RAB22A: variants seen among roughly 807,000 people sequenced by gnomAD.
RAB22A encodes ras-related protein Rab-22A.
Under a neutral mutation model 30.2 loss-of-function variants are expected in RAB22A, and 13 were observed. The ratio of observed to expected loss-of-function variants is 0.43; its 90% confidence interval spans 0.28 to 0.68. The LOEUF (loss-of-function observed/expected upper bound fraction) is 0.68. Ranked by LOEUF, RAB22A falls within the 30% of genes least tolerant of loss-of-function variation. The pLI is 0.18. For synonymous variants in RAB22A, 89 were observed against 87.2 expected (o/e 1.02, Z -0.11); for missense variants, 177 against 246.8 (o/e 0.72, Z 1.89).
intron 2 of RAB22A, among the ~76,000 whole-genome samples, chr20:58,331,471 A>T (rs1986659312): frequency 6.6e-6 from 1 of 152,190 alleles, no homozygotes; most frequent in Non-Finnish European, 1.5e-5. Context: ...ATTATTATTG[A>T]AGATTTTCAT....
At position 58,325,168 on chromosome 20, in the gene RAB22A, T is replaced by TC. The variant is rs1306152971; in HGVS notation, c.116+14048dup. On this transcript the variant is annotated intron_variant, in intron 2 of 6. Transcript: ENST00000244040. ...CTCCAGCCTGGTGACAGAGCGAGAC[T>TC]CCATCTCAAAAAAAAAAAAAAAACT... Among the ~76,000 whole-genome samples, 4 of 123,326 alleles carry TC rather than the reference T, an allele frequency of 3.2e-5. No individual in the cohort carries two copies. The South Asian group carries it at 7.5e-4, about 23-fold the overall frequency. 80.9% of individuals were successfully genotyped at this position (123,326 alleles called of 152,430 possible).
intron 2 of RAB22A, among the ~76,000 whole-genome samples, chr20:58,323,862 C>A (rs1294790248): frequency 6.6e-6 from 1 of 151,618 alleles, no homozygotes; most frequent in Non-Finnish European, 1.5e-5. Context: ...ATGTATTTGG[C>A]TAATCACATA....
chr20:58,353,497 A>C lies in RAB22A; in HGVS notation c.336A>C (p.Val112=). Residue 112 remains valine (V), a synonymous_variant, in exon 5 of 7, where the codon GTA becomes GTC. Transcript: ENST00000244040. ...ELRQHGPPNI[V]VAIAGNKCDL... The stretch of plus-strand genomic sequence containing the variant: ...GACAGCATGGCCCACCTAATATTGT[A>C]GTTGCCATTGCAGGAAATAAATGTG... 1.2e-6 allele frequency: 2 copies of C among 1,612,450 alleles called. No homozygotes were observed. The highest frequency in any genetic ancestry group is 1.7e-6 in the Non-Finnish European group (2 of 1,178,476).
intron 6 of RAB22A, among the ~76,000 whole-genome samples, chr20:58,355,258 A>T (rs1328627650): frequency 6.6e-6 from 1 of 152,214 alleles, no homozygotes; most frequent in Non-Finnish European, 1.5e-5. Flanking sequence ...AGGTTGACCC[A>T]TGAGCAGAGC....
At chr20:58,342,811 G>A (rs1007080424) in intron 2 of RAB22A, among the ~76,000 whole-genome samples, 78 of 152,222 alleles carry the variant, frequency 5.1e-4, no homozygotes, top group African/African-American at 1.8e-3. Context: ...CTGGGTGAGG[G>A]GGGAATGGAA....
At chr20:58,340,387 C>T (rs997722410) in intron 2 of RAB22A, among the ~76,000 whole-genome samples, 1 of 152,076 alleles carries the variant, frequency 6.6e-6, no homozygotes, top group Non-Finnish European at 1.5e-5. Context: ...TCCCACATAC[C>T]CTAAAGGCCA....
chr20:58,353,558 G>A lies in RAB22A; in HGVS notation c.377+20G>A, dbSNP rs1165500720. 1.3e-6 allele frequency: 2 copies of A among 1,510,364 alleles called. No homozygotes were observed. The highest frequency in any genetic ancestry group is 2.3e-5 in the East Asian group (1 of 44,310). The allele number at this position is 1,510,364 out of a possible 1,614,324, so 93.6% of individuals were successfully genotyped here. A position where few individuals can be genotyped will look rare whatever the true frequency, so the allele number is the denominator to read the frequency against. ...TGTAAGGTAAGTTATTAGAACGAGA[G>A]ATTACAATACCTATTATGTGTTCCT... On this transcript the variant is annotated intron_variant, in intron 5 of 6. Coordinates refer to ENST00000244040, the MANE Select transcript of RAB22A (RefSeq NM_020673.3).
intron 2 of RAB22A, among the ~76,000 whole-genome samples, chr20:58,324,903 C>T (rs1306756597): frequency 1.4e-5 from 2 of 143,448 alleles, no homozygotes; most frequent in African/African-American, 2.6e-5. Flanking sequence ...ACGCCAGGCC[C>T]GGTGGCTCAC....
At chr20:58,347,296 A>G (rs917854801) in intron 3 of RAB22A, among the ~76,000 whole-genome samples, 3 of 152,198 alleles carry the variant, frequency 2.0e-5, no homozygotes, top group East Asian at 1.9e-4. Flanking sequence ...CATTAAGTCA[A>G]TGAAAGTGAT....
intron 2 of RAB22A, among the ~76,000 whole-genome samples, chr20:58,334,999 A>C (rs2122948921): frequency 6.6e-6 from 1 of 152,356 alleles, no homozygotes; most frequent in African/African-American, 2.4e-5. Context: ...ATTATAGCCA[A>C]AAACTTGAAA....
chr20:58,321,717 GT>G (rs1312906130), intron 2 of RAB22A, among the ~76,000 whole-genome samples: 1 of 148,166 alleles, frequency 6.7e-6, no homozygotes, highest in African/African-American at 2.5e-5. Flanking sequence ...ATGTAGCATT[GT>G]TTTTATATAT....
intron 2 of RAB22A, among the ~76,000 whole-genome samples, chr20:58,332,008 A>G (rs1184536877): frequency 1.3e-5 from 2 of 152,238 alleles, no homozygotes; most frequent in Admixed American, 1.3e-4. Context: ...TGTAAACAAC[A>G]ACTTAGCAAA....
chr20:58,346,862 A>G (rs1392810612), intron 3 of RAB22A, among the ~76,000 whole-genome samples: 4 of 152,354 alleles, frequency 2.6e-5, no homozygotes, highest in South Asian at 2.1e-4. Context: ...GCTGTCATCC[A>G]TGGGATTGTC....
chr20:58,323,378 T>C (rs1986496154), intron 2 of RAB22A, among the ~76,000 whole-genome samples: 1 of 151,350 alleles, frequency 6.6e-6, no homozygotes, highest in Admixed American at 6.9e-5. Context: ...CTATACATTA[T>C]TTTTTTGTGT....
chr20:58,330,828 C>T (rs1986649793), intron 2 of RAB22A, among the ~76,000 whole-genome samples: 1 of 152,184 alleles, frequency 6.6e-6, no homozygotes, highest in East Asian at 1.9e-4. Flanking sequence ...AATCTCTGCT[C>T]AGCTCTTTTT....
At position 58,333,307 on chromosome 20, in the gene RAB22A, A is replaced by AAATAAATAAATAAATAAATC. The variant is rs1193519347; in HGVS notation, c.117-10408_117-10407insAAATAAATAAATAAATCAAT. 6.6e-5 allele frequency among the ~76,000 whole-genome samples: 10 copies of AAATAAATAAATAAATAAATC among 151,650 alleles called. No homozygotes were observed. The South Asian group carries it at 8.3e-4, about 13-fold the overall frequency. Reference sequence around the variant, plus strand: ...TAAATAAATAAATAAATAAATAAATAAATCCCGCCAGCTAATTCTGTATCC... The same window carrying AAATAAATAAATAAATAAATC: ...TAAATAAATAAATAAATAAATAAATAAATAAATAAATAAATAAATCAATCCCGCCAGCTAATTCTGTATCC... On this transcript the variant is annotated intron_variant, in intron 2 of 6. Coordinates refer to ENST00000244040, the MANE Select transcript of RAB22A (RefSeq NM_020673.3).
intron 2 of RAB22A, among the ~76,000 whole-genome samples, chr20:58,323,860 G>GTA (rs1986506546): frequency 6.6e-6 from 1 of 151,048 alleles, no homozygotes; most frequent in Non-Finnish European, 1.5e-5. Flanking sequence ...ACATGTATTT[G>GTA]GCTAATCACA....
chr20:58,313,560 C>T (rs189945014), intron 2 of RAB22A, among the ~76,000 whole-genome samples: 15 of 152,276 alleles, frequency 9.9e-5, no homozygotes, highest in African/African-American at 3.6e-4. Flanking sequence ...AGAGAAGTTA[C>T]CACTTCCGCA....
chr20:58,337,616 G>A (rs536372986), intron 2 of RAB22A, among the ~76,000 whole-genome samples: 163 of 152,316 alleles, frequency 1.1e-3, no homozygotes, highest in Non-Finnish European at 1.8e-3. Context: ...CTTGAGGGCT[G>A]TGATGGGCTC....
Sources: gnomAD v4.1 joint callset for allele counts (sites outside exome capture counted in the v4.1 genomes callset) on GRCh38, gnomAD v4.1.1 for gene constraint, MANE v1.5 for transcripts, NCBI Gene and HGNC (gene_info 2026-07-23, HGNC 2026-07-21) for gene names.